Variants in HELZ observed in about 807,000 individuals in gnomAD.
The protein encoded by HELZ is ATP-dependent RNA helicase with zinc finger domain.
HELZ carries 23 observed loss-of-function variants against 218.2 expected under a neutral mutation model. That is an observed-to-expected ratio of 0.11 (90% CI 0.08 to 0.15). The LOEUF (loss-of-function observed/expected upper bound fraction) is 0.15, where lower values mean the gene tolerates loss of function less well. Among genes scored for constraint, HELZ ranks in the 10% least tolerant of loss-of-function variants. The pLI is 1.00. For missense variants in HELZ, 1,813 were observed against 2,353.7 expected, an observed-to-expected ratio of 0.77 and a Z score of 4.75; for synonymous variants, 814 against 829.4, an observed-to-expected ratio of 0.98 and a Z score of 0.32.
chr17:67,232,384 C>T (rs2041062425), intron 3 of HELZ, among the ~76,000 whole-genome samples: 1 of 152,176 alleles, frequency 6.6e-6, no homozygotes, highest in African/African-American at 2.4e-5. Context: ...CAACTCTTGA[C>T]CTCATGATCC....
rs772619363 is a variant in HELZ, at chr17:67,107,612, G to T, written c.4798C>A (p.Pro1600Thr). 2 of 1,614,144 alleles carry T rather than the reference G, an allele frequency of 1.2e-6. No homozygotes were observed. The highest frequency in any genetic ancestry group is 4.5e-5 in the East Asian group (2 of 44,876). ...CTATATTGCAAAAGTCTTGATTGAG[G>T]TGGTGGCATTTCAGCTAGTTCCCGT... ...ETRELAEMPPPQSRLLQYRQV... is the reference protein window; with the variant it reads ...ETRELAEMPPTQSRLLQYRQV... Residue 1600 changes from proline (P) to threonine (T), a missense_variant, in exon 31 of 33, where the codon CCT becomes ACT. This residue lies in a region of HELZ where 938 missense variants were observed against 1,027.5 expected (regional missense o/e 0.91). Coordinates refer to ENST00000358691, the MANE Select transcript of HELZ (RefSeq NM_014877.4).
chr17:67,124,436 C>T (rs1165883901), intron 24 of HELZ, among the ~76,000 whole-genome samples: 3 of 151,786 alleles, frequency 2.0e-5, no homozygotes, highest in African/African-American at 7.3e-5. Flanking sequence ...GAACCTTTAA[C>T]GGAATAAAAA....
At chr17:67,140,568 T>A (rs977830233) in intron 21 of HELZ, among the ~76,000 whole-genome samples, 1 of 151,868 alleles carries the variant, frequency 6.6e-6, no homozygotes, top group African/African-American at 2.4e-5. Context: ...GCAGAAAAAA[T>A]AGCCTCAAAG....
chr17:67,086,478 G>T (rs1016424043), intron 32 of HELZ, among the ~76,000 whole-genome samples: 2 of 151,246 alleles, frequency 1.3e-5, no homozygotes, highest in Non-Finnish European at 2.9e-5. Flanking sequence ...CTACTTGGGG[G>T]GCTGAGGCAG....
intron 13 of HELZ, among the ~76,000 whole-genome samples, chr17:67,177,847 A>G (rs918219802): frequency 7.2e-5 from 11 of 152,112 alleles, no homozygotes; most frequent in Non-Finnish European, 1.2e-4. Flanking sequence ...TCCTTTCTGA[A>G]TATACTCTTA....
intron 31 of HELZ, among the ~76,000 whole-genome samples, chr17:67,097,696 C>A (rs2036792872): frequency 6.6e-6 from 1 of 152,142 alleles, no homozygotes; most frequent in Non-Finnish European, 1.5e-5. Context: ...GTTTACTGTT[C>A]TTGAATATGA....
intron 32 of HELZ, among the ~76,000 whole-genome samples, chr17:67,081,749 G>A (rs2036195940): frequency 6.6e-6 from 1 of 152,100 alleles, no homozygotes; most frequent in Non-Finnish European, 1.5e-5. Context: ...GAACATACCT[G>A]ATTTAGATTG....
intron 12 of HELZ, among the ~76,000 whole-genome samples, chr17:67,180,915 T>C (rs2039592830): frequency 7.4e-6 from 1 of 134,714 alleles, no homozygotes. Flanking sequence ...TAGCCAGGCA[T>C]GATGGCATGC....
chr17:67,134,442 A>G (rs951065712), intron 23 of HELZ, among the ~76,000 whole-genome samples: 1 of 152,160 alleles, frequency 6.6e-6, no homozygotes, highest in Non-Finnish European at 1.5e-5. Context: ...CTACAAATGC[A>G]TGGCAATATA....
chr17:67,172,746 C>T (rs1467491559), intron 13 of HELZ, among the ~76,000 whole-genome samples: 1 of 152,108 alleles, frequency 6.6e-6, no homozygotes, highest in African/African-American at 2.4e-5. Context: ...GCAGGGACCA[C>T]AGGTGCACAC....
At chr17:67,136,996 G>GAACC (rs2038174669) in intron 22 of HELZ, among the ~76,000 whole-genome samples, 1 of 151,868 alleles carries the variant, frequency 6.6e-6, no homozygotes, top group Non-Finnish European at 1.5e-5. Flanking sequence ...GATACTATTG[G>GAACC]AACCAACCTT....
chr17:67,100,981 G>T (rs1567799916), intron 31 of HELZ, among the ~76,000 whole-genome samples: 1 of 151,720 alleles, frequency 6.6e-6, no homozygotes, highest in Admixed American at 6.6e-5. Flanking sequence ...GCAGTGGTGG[G>T]TACCTGTAGT....
chr17:67,209,512 C>T lies in HELZ; in HGVS notation c.248-6069G>A, dbSNP rs575985466. ...ACTTGGGAAGCTGAGGCAGGAGAAT[C>T]GCTTGAACCCAGAAGGCAGAGGTTG... On this transcript the variant is annotated intron_variant, in intron 5 of 32. Coordinates refer to ENST00000358691, the MANE Select transcript of HELZ (RefSeq NM_014877.4). Among the ~76,000 whole-genome samples, 74 of 152,252 alleles carry T rather than the reference C, an allele frequency of 4.9e-4. No homozygotes were observed. In the South Asian group the frequency reaches 0.013, roughly 27 times the overall value.
intron 13 of HELZ, 145 bp from the exon 14 acceptor site, chr17:67,167,941 T>C (rs1407495712): frequency 1.6e-6 from 1 of 642,400 alleles, no homozygotes; most frequent in Non-Finnish European, 2.6e-6. Context: ...AAAAACTGTA[T>C]TTTTCTGCCT....
intron 9 of HELZ, among the ~76,000 whole-genome samples, chr17:67,191,974 C>T (rs1234700983): frequency 6.6e-6 from 1 of 151,718 alleles, no homozygotes; most frequent in Admixed American, 6.6e-5. Flanking sequence ...GAGGCCAAGG[C>T]AGGCGCATCA....
At chr17:67,089,597 C>T (rs1305303612) in intron 31 of HELZ, among the ~76,000 whole-genome samples, 5 of 138,138 alleles carry the variant, frequency 3.6e-5, no homozygotes, top group South Asian at 2.3e-4. Flanking sequence ...AAAGCAAAAC[C>T]GAAACTGGAA....
At chr17:67,083,484 AC>A (rs1204308768) in intron 32 of HELZ, among the ~76,000 whole-genome samples, 3 of 151,980 alleles carry the variant, frequency 2.0e-5, no homozygotes, top group Admixed American at 1.3e-4. Flanking sequence ...TACTAAAAAC[AC>A]AAAAATTAGG....
chr17:67,164,697 AC>A (rs2039089539), intron 15 of HELZ, among the ~76,000 whole-genome samples: 1 of 152,226 alleles, frequency 6.6e-6, no homozygotes, highest in Admixed American at 6.5e-5. Flanking sequence ...AGGTAATTCA[AC>A]ATTGCTAAAA....
At chr17:67,223,938 G>T (rs2040820625) in intron 3 of HELZ, among the ~76,000 whole-genome samples, 1 of 152,158 alleles carries the variant, frequency 6.6e-6, no homozygotes, top group South Asian at 2.1e-4. Flanking sequence ...CCTATAAAAA[G>T]AGACTAATAC....
Sources: gnomAD v4.1 joint callset for allele counts (sites outside exome capture counted in the v4.1 genomes callset) on GRCh38, gnomAD v4.1.1 for gene constraint, gnomAD v4.1.1 regional missense constraint, MANE v1.5 for transcripts, NCBI Gene and HGNC (gene_info 2026-07-23, HGNC 2026-07-21) for gene names.